The following MYPN variants were observed in gnomAD, a reference collection of about 807,000 sequenced individuals.
MYPN encodes the protein myopalladin, also known as sarcomeric protein myopalladin, 145 kDa (MYOP).
MYPN carries 63 observed loss-of-function variants against 129.4 expected under a neutral mutation model. That is an observed-to-expected ratio of 0.49 (90% CI 0.40 to 0.60). The LOEUF (loss-of-function observed/expected upper bound fraction) is 0.60, where lower values mean the gene tolerates loss of function less well. Among genes scored for constraint, MYPN ranks in the 20% least tolerant of loss-of-function variants. MYPN has a pLI of 0.00. For missense variants in MYPN, 1,596 were observed against 1,635.4 expected (o/e 0.98, Z 0.42); for synonymous variants, 629 against 600.9 (o/e 1.05, Z -0.68).
intron 6 of MYPN, among the ~76,000 whole-genome samples, chr10:68,152,986 AT>A (rs1205361037): frequency 1.2e-4 from 18 of 149,686 alleles, no homozygotes; most frequent in East Asian, 5.8e-4. Flanking sequence ...TATTTATTTT[AT>A]TTTATTTTAT....
intron 6 of MYPN, among the ~76,000 whole-genome samples, chr10:68,153,256 A>G (rs1016820881): frequency 1.3e-5 from 2 of 152,128 alleles, no homozygotes; most frequent in African/African-American, 4.8e-5. Flanking sequence ...AAGTGTTGGG[A>G]TTACAGGCGT....
intron 1 of MYPN, among the ~76,000 whole-genome samples, chr10:68,099,272 C>T (rs959530939): frequency 6.6e-6 from 1 of 152,166 alleles, no homozygotes; most frequent in Non-Finnish European, 1.5e-5. Flanking sequence ...GGATATGCAG[C>T]ATGGCCTTTC....
At chr10:68,157,316 G>A (rs2042892226) in intron 6 of MYPN, among the ~76,000 whole-genome samples, 1 of 152,214 alleles carries the variant, frequency 6.6e-6, no homozygotes, top group African/African-American at 2.4e-5. Context: ...AAACAAAACA[G>A]CACAATGAAA....
intron 4 of MYPN, among the ~76,000 whole-genome samples, chr10:68,146,392 AT>A (rs2042667251): frequency 6.6e-6 from 1 of 152,132 alleles, no homozygotes; most frequent in South Asian, 2.1e-4. Context: ...CTTCTCCCCT[AT>A]TGCACACGCA....
chr10:68,182,176 A>G lies in MYPN; in HGVS notation c.2703+6715A>G, dbSNP rs376177009. Among the ~76,000 whole-genome samples, 68 of 149,956 alleles carry G rather than the reference A, an allele frequency of 4.5e-4. 1 individual carries two copies. In the East Asian group the frequency reaches 9.6e-3, roughly 21 times the overall value. On this transcript the variant is annotated intron_variant, in intron 12 of 19. Transcript: ENST00000358913. ...AGAAACTTCTGATTACAATCTAGTTACAAGTGTATCCTCACTACCTGGTTA... is the reference window on the plus strand; with the variant it reads ...AGAAACTTCTGATTACAATCTAGTTGCAAGTGTATCCTCACTACCTGGTTA...
intron 8 of MYPN, among the ~76,000 whole-genome samples, chr10:68,162,854 G>A (rs993657221): frequency 4.6e-5 from 7 of 152,166 alleles, no homozygotes; most frequent in East Asian, 1.9e-4. Flanking sequence ...GTTGAAGAGC[G>A]GAGATCACTG....
chr10:68,175,795 C>T (rs1216805608), intron 12 of MYPN, among the ~76,000 whole-genome samples: 1 of 152,188 alleles, frequency 6.6e-6, no homozygotes, highest in Non-Finnish European at 1.5e-5. Context: ...CGATCTGTCA[C>T]CCAGGCTGGG....
At chr10:68,173,454 G>A (rs181696832) in intron 10 of MYPN, among the ~76,000 whole-genome samples, 2 of 152,182 alleles carry the variant, frequency 1.3e-5, no homozygotes, top group East Asian at 1.9e-4. Context: ...CTCCAAGGTC[G>A]CAATACAAAG....
At position 68,210,884 on chromosome 10, in the gene MYPN, A is replaced by G; in HGVS notation, c.*429A>G. 1 of 455,828 alleles carries G rather than the reference A, an allele frequency of 2.2e-6. No homozygotes were observed. Among genetic ancestry groups the G allele is most frequent in the South Asian group, 1.6e-5 (1 of 64,486 alleles). The allele number at this position is 455,828 out of a possible 1,614,324, so 28.2% of individuals were successfully genotyped here. A position where few individuals can be genotyped will look rare whatever the true frequency, so the allele number is the denominator to read the frequency against. On this transcript the variant is annotated 3_prime_UTR_variant, in exon 20 of 20. Coordinates refer to ENST00000358913, the MANE Select transcript of MYPN (RefSeq NM_032578.4). Reference sequence around the variant, plus strand: ...CAAACAATGCCAAGGAGAAAGGCGGACAGGTCACCATCACCTTTCATCGAT... The same window carrying G: ...CAAACAATGCCAAGGAGAAAGGCGGGCAGGTCACCATCACCTTTCATCGAT...
intron 18 of MYPN, among the ~76,000 whole-genome samples, chr10:68,203,720 CAGAGAG>C (rs371058853): frequency 0.021 from 2,447 of 115,734 alleles, 75 homozygotes; most frequent in African/African-American, 0.065. Context: ...CATACACACA[CAGAGAG>C]AGAGAGAGAG....
intron 6 of MYPN, among the ~76,000 whole-genome samples, chr10:68,156,541 A>G (rs868598913): frequency 6.6e-6 from 1 of 152,218 alleles, no homozygotes; most frequent in Non-Finnish European, 1.5e-5. Context: ...CAGAAAGAAT[A>G]AAACACTAGC....
chr10:68,131,675 G>A (rs969297869), intron 2 of MYPN, among the ~76,000 whole-genome samples: 4 of 152,118 alleles, frequency 2.6e-5, no homozygotes, highest in African/African-American at 7.2e-5. Context: ...CACTATGCCA[G>A]CCTTCATAGG....
At chr10:68,184,858 G>A (rs930722204) in intron 12 of MYPN, among the ~76,000 whole-genome samples, 19 of 152,166 alleles carry the variant, frequency 1.2e-4, no homozygotes, top group Admixed American at 2.0e-4. Flanking sequence ...TGAGAAGTGG[G>A]GGCTGGAAAT....
chr10:68,165,214 A>G (rs1473516859), intron 8 of MYPN, among the ~76,000 whole-genome samples: 1 of 152,146 alleles, frequency 6.6e-6, no homozygotes. Flanking sequence ...GGACTCTGGG[A>G]GGCCAAGGCG....
At position 68,121,903 on chromosome 10, in the gene MYPN, C is replaced by T. The variant is rs142867001; in HGVS notation, c.465C>T (p.Ala155=). 3 of 1,614,034 alleles carry T rather than the reference C, an allele frequency of 1.9e-6. No homozygotes were observed. Among genetic ancestry groups the T allele is most frequent in the Admixed American group, 1.7e-5 (1 of 60,004 alleles). Reference sequence around the variant, plus strand: ...AAAAAGTATTTTTAAATAAGGCTGCCGACTTCATTGAAGAGCTATCCTCCC... The same window carrying T: ...AAAAAGTATTTTTAAATAAGGCTGCTGACTTCATTGAAGAGCTATCCTCCC... The part of the protein sequence containing the change: ...QSKKVFLNKA[A]DFIEELSSLF... Residue 155 remains alanine, a synonymous_variant, in exon 2 of 20, where the codon GCC becomes GCT. Transcript: ENST00000358913.
At chr10:68,179,929 G>A (rs1424845548) in intron 12 of MYPN, among the ~76,000 whole-genome samples, 2 of 152,152 alleles carry the variant, frequency 1.3e-5, no homozygotes, top group South Asian at 2.1e-4. Context: ...AAACATTTAA[G>A]TATAAAGTAA....
intron 3 of MYPN, 114 bp from the exon 4 acceptor site, chr10:68,145,361 A>G (rs1032689065): frequency 5.3e-5 from 44 of 833,192 alleles, no homozygotes; most frequent in Non-Finnish European, 7.9e-5. Context: ...AGGTATTCAG[A>G]TATTTAGGAA....
At chr10:68,181,510 G>A (rs61854655) in intron 12 of MYPN, among the ~76,000 whole-genome samples, 4 of 152,086 alleles carry the variant, frequency 2.6e-5, no homozygotes, top group East Asian at 1.9e-4. Context: ...GGCTGGTCTC[G>A]AACTCTTGAC....
intron 1 of MYPN, among the ~76,000 whole-genome samples, chr10:68,093,813 G>A (rs895255185): frequency 2.6e-5 from 4 of 152,016 alleles, no homozygotes; most frequent in African/African-American, 4.8e-5. Context: ...AGGCAGAGCT[G>A]AGTAGACATA....
Sources: gnomAD v4.1 joint callset for allele counts (sites outside exome capture counted in the v4.1 genomes callset) on GRCh38, gnomAD v4.1.1 for gene constraint, MANE v1.5 for transcripts, NCBI Gene and HGNC (gene_info 2026-07-23, HGNC 2026-07-21) for gene names.